SPTBN5: variants seen among roughly 807,000 people sequenced by gnomAD.
SPTBN5 encodes spectrin beta, non-erythrocytic 5.
Under a neutral mutation model 477.6 loss-of-function variants are expected in SPTBN5, and 513 were observed. That is an observed-to-expected ratio of 1.07 (90% confidence interval 1.00 to 1.16). The LOEUF is 1.16. SPTBN5 is among the 50% of genes most tolerant of loss of function. The pLI, the probability that SPTBN5 is intolerant of heterozygous loss-of-function variation, is 0.00. For missense variants in SPTBN5, 5,062 were observed against 4,731.8 expected (o/e 1.07, Z -2.05); for synonymous variants, 2,169 against 2,011.7 (o/e 1.08, Z -2.09).
intron 66 of SPTBN5, 186 bp from the exon 67 acceptor site, chr15:41,850,145 G>C (rs139039594): frequency 2.2e-5 from 13 of 593,712 alleles, no homozygotes; most frequent in Non-Finnish European, 3.0e-6. Context: ...TCCCCCATGC[G>C]TCCTGCCTCT....
rs988771610 is a variant in SPTBN5, at chr15:41,881,954, G to A, written c.2439C>T (p.Ala813=). 3 of 1,528,994 alleles carry A rather than the reference G, an allele frequency of 2.0e-6. No homozygotes were observed. The Admixed American group carries it at 5.9e-5, about 30-fold the overall frequency. The allele number at this position is 1,528,994 out of a possible 1,614,324, so 94.7% of individuals were successfully genotyped here. ...TCCTCACCGTGAATAACGACGCCCG[G>A]GCCGAGGCCGCCCGCCCCTGCTCCT... The part of the protein sequence containing the change: ...RLEEQGRAAS[A]RASLFTVNSA... Residue 813 remains alanine (A), a synonymous_variant, in exon 12 of 68, where the codon GCC becomes GCT. Coordinates refer to ENST00000320955, the MANE Select transcript of SPTBN5 (RefSeq NM_016642.4).
In SPTBN5 at chr15:41,875,595, G is replaced by T; in HGVS notation, c.4150C>A (p.Pro1384Thr). 6.3e-7 allele frequency: 1 copy of T among 1,598,730 alleles called. No homozygotes were observed. Among genetic ancestry groups the T allele is most frequent in the Admixed American group, 1.7e-5 (1 of 57,698 alleles). Residue 1384 changes from proline to threonine, a missense_variant, in exon 22 of 68, where the codon CCC becomes ACC. Pro to Thr is a conservative substitution (Grantham distance 38). Transcript: ENST00000320955. The stretch of plus-strand genomic sequence containing the variant: ...GTCTGTATGTCCTCCTGGCCACAGG[G>T]CCTCCTACTCAACAGCTCTCTCCCA... ...QVGRELLSRR[P>T]CGQEDIQTRL...
At chr15:41,858,861 G>T in intron 48 of SPTBN5, 29 bp downstream of exon 48, 1 of 1,552,742 alleles carries the variant, frequency 6.4e-7, no homozygotes, top group South Asian at 1.2e-5. Context: ...TCCCCACCAT[G>T]ACCGCCTCCC....
At chr15:41,880,849 G>A (rs574832843) in intron 13 of SPTBN5, among the ~76,000 whole-genome samples, 185 bp downstream of exon 13, 1 of 152,282 alleles carries the variant, frequency 6.6e-6, no homozygotes, top group East Asian at 1.9e-4. Flanking sequence ...GCCTGACCTG[G>A]GCTACCTTCT....
Position 41,866,937 on chromosome 15 carries a change from T to TG in SPTBN5, c.6480+21dup, listed in dbSNP as rs748805796. The TG allele has an allele frequency of 5.1e-6, 8 of 1,558,554 alleles. No homozygotes were observed. The African/African-American group carries it at 9.5e-5, about 18-fold the overall frequency. On this transcript the variant is annotated intron_variant, in intron 36 of 67. Coordinates refer to ENST00000320955, the MANE Select transcript of SPTBN5 (RefSeq NM_016642.4). ...CGAGTGTGGTTCCAGTGGAAGGCCC[T>TG]GGGCTGGGGGTGCCCTCTGACCTGG...
intron 36 of SPTBN5, 184 bp from the exon 37 acceptor site, chr15:41,866,677 G>A: frequency 1.3e-6 from 1 of 794,484 alleles, no homozygotes; most frequent in South Asian, 2.2e-5. Context: ...GCAGGGCCTT[G>A]GGTGGGCTCT....
At chr15:41,855,836 G>A (rs1470530907) in intron 53 of SPTBN5, 91 bp from the exon 54 acceptor site, 22 of 1,346,112 alleles carry the variant, frequency 1.6e-5, no homozygotes, top group Non-Finnish European at 1.9e-5. Flanking sequence ...CTGCACAGGG[G>A]AATCACCTGG....
chr15:41,865,963 T>A (rs750449288), intron 38 of SPTBN5, 60 bp from the exon 39 acceptor site: 130 of 1,545,556 alleles, frequency 8.4e-5, no homozygotes, highest in Non-Finnish European at 1.1e-4. Flanking sequence ...TCCTGGCACC[T>A]GCTGCTGGGG....
At chr15:41,867,196 C>A in intron 35 of SPTBN5, 70 bp from the exon 36 acceptor site, 1 of 1,445,696 alleles carries the variant, frequency 6.9e-7, no homozygotes. Context: ...GCAGGGCTCA[C>A]AGTCCTTTCT....
chr15:41,876,174 C>T lies in SPTBN5; in HGVS notation c.4062G>A (p.Arg1354=). The change falls in exon 21 of 68, where the codon CGG becomes CGA. Residue 1354 remains arginine (R), a synonymous_variant. Transcript: ENST00000320955. ...ARRNILQTLK[R]HEAAESELLA... ...GTAGCTCGCTCTCAGCTGCTTCGTG[C>T]CGCTTGAGTGTCTGCAGGATGTTTC... The T allele has an allele frequency of 6.2e-7, 1 of 1,605,890 alleles. No individual in the cohort carries two copies. The highest frequency in any genetic ancestry group is 8.5e-7 in the Non-Finnish European group (1 of 1,179,708).
chr15:41,868,635 A>AGGGCT, intron 32 of SPTBN5, 34 bp from the exon 33 acceptor site: 2 of 1,585,358 alleles, frequency 1.3e-6, no homozygotes, highest in Non-Finnish European at 1.7e-6. Context: ...GAGCCGGGTG[A>AGGGCT]GGGCTGGGCT....
intron 36 of SPTBN5, 54 bp downstream of exon 36, chr15:41,866,905 A>T: frequency 6.6e-7 from 1 of 1,504,314 alleles, no homozygotes; most frequent in South Asian, 1.3e-5. Context: ...AGGCGGCTGA[A>T]AACTGTCGAG....
At position 41,850,249 on chromosome 15, in the gene SPTBN5, C is replaced by G. The variant is rs538620273; in HGVS notation, c.10922-290G>C. On this transcript the variant is annotated intron_variant, in intron 66 of 67. Coordinates refer to ENST00000320955, the MANE Select transcript of SPTBN5 (RefSeq NM_016642.4). ...TCGAACAACTCAAGATCCCTTTGGG[C>G]TCCTGGGAAGACAGACTCTTGGGAG... The G allele has an allele frequency of 3.8e-5, 16 of 420,042 alleles. No homozygotes were observed. The East Asian group carries it at 7.3e-4, about 19-fold the overall frequency. The allele number at this position is 420,042 out of a possible 1,614,324, so 26.0% of individuals were successfully genotyped here. A position where few individuals can be genotyped will look rare whatever the true frequency, so the allele number is the denominator to read the frequency against.
rs779990648 is a variant in SPTBN5 at position 41,878,628 on chromosome 15, C to A, written c.3184G>T (p.Val1062Phe). ...CTCTCTGCGTAGCCTGGCTCCTCGA[C>A]CCTGGGAGACAGGGTGCGCTGCACA... ...VHFLQSVVVKVEEPGYAESQP... is the reference protein window; with the variant it reads ...VHFLQSVVVKFEEPGYAESQP... Residue 1062 changes from valine (V) to phenylalanine (F), a missense_variant and splice_region_variant, in exon 17 of 68, where the codon GTC becomes TTC. Physicochemically the swap from Val to Phe is conservative, Grantham distance 50. Transcript: ENST00000320955. The A allele has an allele frequency of 2.2e-5, 36 of 1,608,976 alleles. No homozygotes were observed. The highest frequency in any genetic ancestry group is 3.1e-5 in the Non-Finnish European group (36 of 1,177,742).
intron 47 of SPTBN5, among the ~76,000 whole-genome samples, chr15:41,860,194 G>A (rs904891470): frequency 1.3e-5 from 2 of 152,204 alleles, no homozygotes; most frequent in Non-Finnish European, 2.9e-5. Context: ...CTGCCGAGAG[G>A]AGGAACTTGT....
chr15:41,850,943 GCACC>G lies in SPTBN5; in HGVS notation c.10836-8_10836-5del. ...GATCTCTGCCCCACTGGTCAGCCTG[GCACC>G]CACAGTCACAGGTCAAACTCCACTG... On this transcript the variant is annotated splice_region_variant and splice_polypyrimidine_tract_variant and intron_variant, in intron 65 of 67. Transcript: ENST00000320955. 1 of 1,559,164 alleles carries G rather than the reference GCACC, an allele frequency of 6.4e-7. No individual in the cohort carries two copies. The highest frequency in any genetic ancestry group is 8.6e-7 in the Non-Finnish European group (1 of 1,162,738).
intron 29 of SPTBN5, 45 bp from the exon 30 acceptor site, chr15:41,870,605 C>T (rs1344213871): frequency 6.6e-7 from 1 of 1,509,158 alleles, no homozygotes; most frequent in Non-Finnish European, 9.1e-7. Context: ...AGCTGCCGGG[C>T]CGTGTCATTC....
At chr15:41,885,710 GGA>G (rs1305165605) in intron 7 of SPTBN5, 23 bp downstream of exon 7, 1 of 1,542,312 alleles carries the variant, frequency 6.5e-7, no homozygotes, top group South Asian at 1.2e-5. Flanking sequence ...CCAGCTGTGG[GGA>G]GAGTTCATGT....
At position 41,851,330 on chromosome 15, in the gene SPTBN5, G is replaced by A. The variant is rs889228219; in HGVS notation, c.10696C>T (p.Gln3566Ter). The A allele has an allele frequency of 1.7e-5, 26 of 1,551,034 alleles. No individual in the cohort carries two copies. In the Admixed American group the frequency reaches 2.7e-4, roughly 16 times the overall value. The change falls in exon 64 of 68, where the codon CAG becomes TAG. Residue 3566 changes from glutamine to a stop codon, truncating the protein, a stop_gained. Coordinates refer to ENST00000320955, the MANE Select transcript of SPTBN5 (RefSeq NM_016642.4). LOFTEE classifies it high-confidence loss of function. The stretch of plus-strand genomic sequence containing the variant: ...AGGAACAGGCTCAGAGAGCTGCCCT[G>A]CAAGTTCCCGCGGCAGCTGTCCCAG... ...SSWDSCRGNL[Q>*]GSSLSLFLDE...
Sources: gnomAD v4.1 joint callset for allele counts (sites outside exome capture counted in the v4.1 genomes callset) on GRCh38, gnomAD v4.1.1 for gene constraint, MANE v1.5 for transcripts, NCBI Gene and HGNC (gene_info 2026-07-23, HGNC 2026-07-21) for gene names.